TRIM5: variants seen among roughly 807,000 people sequenced by gnomAD.
TRIM5 encodes the protein tripartite motif-containing protein 5.
TRIM5 carries 31 observed loss-of-function variants against 35.6 expected under a neutral mutation model. That is an observed-to-expected ratio of 0.87 (90% CI 0.65 to 1.18). TRIM5 has a LOEUF of 1.18. Among genes scored for constraint, TRIM5 ranks in the 50% most tolerant of loss-of-function variants. The pLI is 0.00. For missense variants in TRIM5, 609 were observed against 591.6 expected (o/e 1.03, Z -0.31); for synonymous variants, 243 against 215.6 (o/e 1.13, Z -1.11).
chr11:5,603,733 C>CAGG, the TRIM5 span: 25 of 1,613,060 alleles, frequency 1.5e-5, no homozygotes, highest in Non-Finnish European at 2.1e-5. Flanking sequence ...CCAGGAGTAC[C>CAGG]AGGTGAGACC....
At position 5,665,292 on chromosome 11, in the gene TRIM5, C is replaced by G; in HGVS notation, c.999G>C (p.Gly333=). Residue 333 remains glycine, a synonymous_variant, in exon 8 of 8, where the codon GGG becomes GGC. Transcript: ENST00000380034. ...AATTCACAAATGTCTGGTATCTTGT[C>G]CCTCGTGCCCCATATATTATCTGTG... ...PKPQIIYGAR[G]TRYQTFVNFN... The G allele has an allele frequency of 6.2e-7, 1 of 1,614,140 alleles. No homozygotes were observed. The highest frequency in any genetic ancestry group is 1.3e-5 in the African/African-American group (1 of 75,022).
At chr11:5,657,320 G>A in the TRIM5 span, among the ~76,000 whole-genome samples, 3 of 151,560 alleles carry the variant, frequency 2.0e-5, no homozygotes, top group African/African-American at 7.3e-5. Context: ...ATGGGTGGGG[G>A]ACTAGGGAAG....
downstream of TRIM5, among the ~76,000 whole-genome samples, chr11:5,660,556 G>A (rs932969559): frequency 1.3e-5 from 2 of 152,092 alleles, no homozygotes; most frequent in African/African-American, 4.8e-5. Context: ...TTCATTAATG[G>A]AAATAGAACC....
the TRIM5 span, among the ~76,000 whole-genome samples, chr11:5,607,887 C>A: frequency 6.6e-6 from 1 of 152,112 alleles, no homozygotes; most frequent in African/African-American, 2.4e-5. Context: ...ATTTGAGAAT[C>A]ATCAACATGT....
chr11:5,599,522 G>A, the TRIM5 span, among the ~76,000 whole-genome samples: 6 of 152,002 alleles, frequency 3.9e-5, no homozygotes, highest in East Asian at 9.6e-4. Context: ...TCCTGCCTCA[G>A]CCTCCCGAGT....
chr11:5,610,438 G>T, the TRIM5 span: 1 of 1,605,044 alleles, frequency 6.2e-7, no homozygotes, highest in South Asian at 1.1e-5. Flanking sequence ...ATCCTCACAG[G>T]ATTCCTCACC....
the TRIM5 span, chr11:5,641,030 T>C: frequency 4.7e-6 from 6 of 1,266,796 alleles, no homozygotes; most frequent in Non-Finnish European, 6.3e-6. Flanking sequence ...TCTAGCTAAA[T>C]GTTTGCCAAT....
In TRIM5 at chr11:5,680,606, C is replaced by G. The variant is rs59581334; in HGVS notation, c.-61-368G>C. Among the ~76,000 whole-genome samples the G allele has an allele frequency of 8.0e-4, 122 of 152,324 alleles. 2 individuals carry two copies. The East Asian group carries it at 0.019, about 24-fold the overall frequency. ...CATCCTCAGTATTAAAATCACCAAACAGCTTATGCCTCAGGGCTTTCACAT... is the reference window on the plus strand; with the variant it reads ...CATCCTCAGTATTAAAATCACCAAAGAGCTTATGCCTCAGGGCTTTCACAT... On this transcript the variant is annotated intron_variant, in intron 1 of 7. Transcript: ENST00000380034.
the TRIM5 span, chr11:5,643,686 ACT>A: frequency 6.3e-7 from 1 of 1,599,548 alleles, no homozygotes; most frequent in South Asian, 1.1e-5. Context: ...AGCTCCCATG[ACT>A]CTATGCCCAC....
rs1310386919 is a variant in TRIM5, at chr11:5,673,049, T to C, written c.744+5155A>G. On this transcript the variant is annotated intron_variant, in intron 4 of 7. Transcript: ENST00000380034. ...AGACAGGAGAAATATAGAAAACAAA[T>C]AGCAAAATGGTAAATTTAAGTAAAA... Among the ~76,000 whole-genome samples, 4 of 151,942 alleles carry C rather than the reference T, an allele frequency of 2.6e-5. No homozygotes were observed. The East Asian group carries it at 7.7e-4, about 29-fold the overall frequency.
chr11:5,607,088 C>T, the TRIM5 span, among the ~76,000 whole-genome samples: 1 of 152,000 alleles, frequency 6.6e-6, no homozygotes, highest in African/African-American at 2.4e-5. Context: ...CCTGTAGTCC[C>T]AGCTACTCGG....
At chr11:5,645,776 C>T in the TRIM5 span, 1 of 217,522 alleles carries the variant, frequency 4.6e-6, no homozygotes. Context: ...TATGTTGATT[C>T]TCTGGATACA....
the TRIM5 span, chr11:5,605,404 G>C: frequency 6.2e-7 from 1 of 1,614,184 alleles, no homozygotes; most frequent in Non-Finnish European, 8.5e-7. Flanking sequence ...ATCCTAGACA[G>C]AGTGGAGCAA....
downstream of TRIM5, among the ~76,000 whole-genome samples, chr11:5,661,958 A>G (rs1000558647): frequency 6.6e-6 from 1 of 152,242 alleles, no homozygotes; most frequent in African/African-American, 2.4e-5. Flanking sequence ...ATGAAAAGGC[A>G]TTAATGTCCC....
At chr11:5,600,632 G>A in the TRIM5 span, among the ~76,000 whole-genome samples, 1 of 152,152 alleles carries the variant, frequency 6.6e-6, no homozygotes, top group Admixed American at 6.5e-5. Flanking sequence ...AAATCCACCA[G>A]GTCCTCAAGA....
the TRIM5 span, chr11:5,595,350 C>T: frequency 6.6e-6 from 1 of 152,116 alleles, no homozygotes; most frequent in Non-Finnish European, 1.5e-5. Flanking sequence ...ATTCATCAGA[C>T]CTAAATAAAA....
chr11:5,628,253 C>G, the TRIM5 span, among the ~76,000 whole-genome samples: 1 of 152,232 alleles, frequency 6.6e-6, no homozygotes, highest in East Asian at 1.9e-4. Context: ...TCTCCTGGAG[C>G]CCCCCGGTAT....
At chr11:5,654,170 T>C in the TRIM5 span, among the ~76,000 whole-genome samples, 3 of 152,182 alleles carry the variant, frequency 2.0e-5, no homozygotes, top group African/African-American at 7.2e-5. Context: ...TATTTTTTCC[T>C]TGAAACCTTT....
intron 1 of TRIM5, among the ~76,000 whole-genome samples, chr11:5,680,505 C>T (rs543863171): frequency 6.6e-5 from 10 of 152,260 alleles, no homozygotes; most frequent in African/African-American, 2.4e-4. Flanking sequence ...GAATAGAAAA[C>T]AGACTGAGGT....
Sources: gnomAD v4.1 joint callset for allele counts (sites outside exome capture counted in the v4.1 genomes callset) on GRCh38, gnomAD v4.1.1 for gene constraint, MANE v1.5 for transcripts, NCBI Gene and HGNC (gene_info 2026-07-23, HGNC 2026-07-21) for gene names.